PNISR: variants seen among roughly 807,000 people sequenced by gnomAD.
The protein encoded by PNISR is PNN interacting serine and arginine rich protein, also known as arginine/serine-rich protein PNISR.
Under a neutral mutation model 93.4 loss-of-function variants are expected in PNISR, and 20 were observed. The observed-to-expected ratio is 0.21, with a 90% CI of 0.15 to 0.31. The LOEUF (loss-of-function observed/expected upper bound fraction) is 0.31, where lower values mean the gene tolerates loss of function less well. Ranked by LOEUF, PNISR falls within the 10% of genes least tolerant of loss-of-function variation. The pLI, the probability that PNISR is intolerant of heterozygous loss-of-function variation, is 1.00. For synonymous variants in PNISR, 305 were observed against 306.5 expected, an observed-to-expected ratio of 0.99 and a Z score of 0.05; for missense variants, 893 against 985.4, an observed-to-expected ratio of 0.91 and a Z score of 1.25.
At position 99,400,387 on chromosome 6, in the gene PNISR, T is replaced by C. The variant is rs1459899530; in HGVS notation, c.*153A>G. On this transcript the variant is annotated 3_prime_UTR_variant, in exon 12 of 12. Transcript: ENST00000369239. ...TTAAAAATCTGCAATTTTAAATAAA[T>C]AATATTATATAGGATTTCTAACATT... The C allele has an allele frequency of 8.7e-7, 1 of 1,150,542 alleles. No individual in the cohort carries two copies. The highest frequency in any genetic ancestry group is 1.6e-5 in the African/African-American group (1 of 62,668). The allele number at this position is 1,150,542 out of a possible 1,614,324, so 71.3% of individuals were successfully genotyped here. A position where few individuals can be genotyped will look rare whatever the true frequency, so the allele number is the denominator to read the frequency against.
chr6:99,421,881 T>C (rs1028929248), intron 1 of PNISR, among the ~76,000 whole-genome samples: 1 of 152,226 alleles, frequency 6.6e-6, no homozygotes, highest in Non-Finnish European at 1.5e-5. Context: ...CATTTATTTA[T>C]TATTGAGAAA....
intron 1 of PNISR, among the ~76,000 whole-genome samples, chr6:99,422,677 C>T (rs895363511): frequency 6.6e-6 from 1 of 152,004 alleles, no homozygotes; most frequent in African/African-American, 2.4e-5. Context: ...AATTCGAGAC[C>T]AGCCTGGCCA....
chr6:99,408,406 C>T, intron 6 of PNISR, 135 bp from the exon 7 acceptor site: 1 of 624,944 alleles, frequency 1.6e-6, no homozygotes, highest in African/African-American at 1.8e-5. Flanking sequence ...CAGCAGGGAC[C>T]ACTGCTCTAG....
chr6:99,420,047 G>A (rs1336652931), intron 1 of PNISR, among the ~76,000 whole-genome samples: 1 of 152,070 alleles, frequency 6.6e-6, no homozygotes, highest in African/African-American at 2.4e-5. Flanking sequence ...ACCACGCCCG[G>A]CTAATTTTTT....
chr6:99,418,146 T>C (rs914692542), intron 1 of PNISR, among the ~76,000 whole-genome samples: 10 of 152,032 alleles, frequency 6.6e-5, no homozygotes, highest in South Asian at 6.2e-4. Flanking sequence ...ATTATTATTA[T>C]ATTTTTTTTG....
chr6:99,425,168 G>A (rs1779336293), intron 1 of PNISR, 47 bp downstream of exon 1: 1 of 1,179,604 alleles, frequency 8.5e-7, no homozygotes, highest in East Asian at 3.2e-5. Context: ...CAAGAACGTT[G>A]TAATGGTCCG....
At position 99,419,168 on chromosome 6, in the gene PNISR, AAAAAAAAAAAAAAAAAAAAAAAG is replaced by A. The variant is rs1241474557; in HGVS notation, c.-111-2763_-111-2741del. Among the ~76,000 whole-genome samples, 40 of 140,786 alleles carry A rather than the reference AAAAAAAAAAAAAAAAAAAAAAAG, an allele frequency of 2.8e-4. 2 individuals carry two copies. The highest frequency in any genetic ancestry group is 1.8e-3 in the East Asian group (9 of 4,914). 92.4% of individuals were successfully genotyped at this position (140,786 alleles called of 152,430 possible). Reference sequence around the variant, plus strand: ...ACTCCGTCTCAAAAAAAAAAAAAAAAAAAAAAAAAAAAAAAAAAAAAAGGGCAATTTACCATTATGGCATCTTA... The same window carrying A: ...ACTCCGTCTCAAAAAAAAAAAAAAAAGGCAATTTACCATTATGGCATCTTA... On this transcript the variant is annotated intron_variant, in intron 1 of 11. Transcript: ENST00000369239.
At chr6:99,417,072 T>G (rs1025876062) in intron 1 of PNISR, among the ~76,000 whole-genome samples, 1 of 152,250 alleles carries the variant, frequency 6.6e-6, no homozygotes, top group Non-Finnish European at 1.5e-5. Flanking sequence ...ACCAAAAAGC[T>G]TGCTGTGCTT....
chr6:99,418,051 TAC>T (rs1021763751), intron 1 of PNISR, among the ~76,000 whole-genome samples: 3 of 151,924 alleles, frequency 2.0e-5, no homozygotes, highest in Admixed American at 1.3e-4. Flanking sequence ...ATCTAAAACT[TAC>T]AGAGGTTTCA....
At chr6:99,407,156 C>T (rs1186718342) in intron 7 of PNISR, among the ~76,000 whole-genome samples, 1 of 151,830 alleles carries the variant, frequency 6.6e-6, no homozygotes, top group African/African-American at 2.4e-5. Flanking sequence ...CCCGTCTCTA[C>T]GAAAAATACA....
In PNISR at chr6:99,400,826, A is replaced by C; in HGVS notation, c.2132T>G (p.Leu711Ter). The change falls in exon 12 of 12, where the codon TTA (leucine) becomes TGA (stop). Residue 711 changes from leucine to a stop codon, truncating the protein, a stop_gained. Transcript: ENST00000369239. LOFTEE classifies it high-confidence loss of function. The part of the protein sequence containing the change: ...DFKFSSQDDR[L>*]KRKRESERTF... ...TCTTTCACTTTCTCGTTTCCTTTTTAATCTATCATCCTGACTACTGAACTT... is the reference window on the plus strand; with the variant it reads ...TCTTTCACTTTCTCGTTTCCTTTTTCATCTATCATCCTGACTACTGAACTT... 6.2e-7 allele frequency: 1 copy of C among 1,611,680 alleles called. No individual in the cohort carries two copies. Among genetic ancestry groups the C allele is most frequent in the South Asian group, 1.1e-5 (1 of 90,846 alleles).
Position 99,419,189 on chromosome 6 carries a change from A to AAAAAAAAAAAC in PNISR, c.-111-2762_-111-2761insGTTTTTTTTTT. On this transcript the variant is annotated intron_variant, in intron 1 of 11. Transcript: ENST00000369239. ...AAAAAAAAAAAAAAAAAAAAAAAAA[A>AAAAAAAAAAAC]AGGGCAATTTACCATTATGGCATCT... Among the ~76,000 whole-genome samples, 2 of 53,746 alleles carry AAAAAAAAAAAC rather than the reference A, an allele frequency of 3.7e-5. 1 individual carries two copies. Among genetic ancestry groups the AAAAAAAAAAAC allele is most frequent in the Non-Finnish European group, 7.0e-5 (2 of 28,562 alleles). 35.3% of individuals were successfully genotyped at this position (53,746 alleles called of 152,430 possible). A position where few individuals can be genotyped will look rare whatever the true frequency, so the allele number is the denominator to read the frequency against.
chr6:99,416,218 C>A lies in PNISR; in HGVS notation c.-32+131G>T, dbSNP rs144971380. ...TGTCCTGTCCAGTTTCCCAAGTACGCCTTTAGACTCCTTTAAGGCTAAATA... is the reference window on the plus strand; with the variant it reads ...TGTCCTGTCCAGTTTCCCAAGTACGACTTTAGACTCCTTTAAGGCTAAATA... On this transcript the variant is annotated intron_variant, in intron 2 of 11. Coordinates refer to ENST00000369239, the MANE Select transcript of PNISR (RefSeq NM_032870.4). 585 of 391,768 alleles carry A rather than the reference C, an allele frequency of 1.5e-3. 3 individuals are homozygous for A. Among genetic ancestry groups the A allele is most frequent in the African/African-American group, 0.011 (557 of 48,564 alleles). 24.3% of individuals were successfully genotyped at this position (391,768 alleles called of 1,614,324 possible). A position where few individuals can be genotyped will look rare whatever the true frequency, so the allele number is the denominator to read the frequency against.
At chr6:99,416,717 G>C (rs1777747624) in intron 1 of PNISR, among the ~76,000 whole-genome samples, 1 of 151,920 alleles carries the variant, frequency 6.6e-6, no homozygotes, top group Non-Finnish European at 1.5e-5. Flanking sequence ...TGAGAAAAAA[G>C]GAACAACAAA....
intron 1 of PNISR, among the ~76,000 whole-genome samples, chr6:99,422,255 A>T (rs1243523613): frequency 6.6e-6 from 1 of 152,198 alleles, no homozygotes; most frequent in Non-Finnish European, 1.5e-5. Context: ...AAAGTCCTTG[A>T]GCATCAACTA....
chr6:99,414,543 G>T, intron 3 of PNISR, 29 bp downstream of exon 3: 1 of 1,176,416 alleles, frequency 8.5e-7, no homozygotes, highest in Non-Finnish European at 1.3e-6. Flanking sequence ...ATCCAACCCC[G>T]CCCTTTCAAA....
At chr6:99,414,003 C>G (rs1040304966) in intron 3 of PNISR, among the ~76,000 whole-genome samples, 2 of 152,088 alleles carry the variant, frequency 1.3e-5, no homozygotes, top group African/African-American at 4.8e-5. Context: ...ATGGTACAAT[C>G]CTACAATAGA....
At chr6:99,424,076 G>A (rs1779054343) in intron 1 of PNISR, among the ~76,000 whole-genome samples, 1 of 152,108 alleles carries the variant, frequency 6.6e-6, no homozygotes, top group African/African-American at 2.4e-5. Flanking sequence ...ATTTTAGAGG[G>A]GCACAAGTCA....
In PNISR at chr6:99,400,827, A is replaced by G. The variant is rs371294559; in HGVS notation, c.2131T>C (p.Leu711=). Residue 711 remains leucine (L), a synonymous_variant, in exon 12 of 12, where the codon TTA becomes CTA. Transcript: ENST00000369239. ...CTTTCACTTTCTCGTTTCCTTTTTAATCTATCATCCTGACTACTGAACTTA... is the reference window on the plus strand; with the variant it reads ...CTTTCACTTTCTCGTTTCCTTTTTAGTCTATCATCCTGACTACTGAACTTA... ...DFKFSSQDDR[L]KRKRESERTF... The G allele has an allele frequency of 1.1e-5, 18 of 1,611,690 alleles. No individual in the cohort carries two copies. The Admixed American group carries it at 2.2e-4, about 19-fold the overall frequency.
Sources: allele counts gnomAD v4.1 joint callset (sites outside exome capture counted in the v4.1 genomes callset), GRCh38; gene constraint gnomAD v4.1.1; transcripts MANE v1.5; gene names NCBI Gene and HGNC (gene_info 2026-07-23, HGNC 2026-07-21).